GLRA2: variants seen among roughly 807,000 people sequenced by gnomAD.
GLRA2 encodes glycine receptor subunit alpha-2.
A neutral mutation model predicts 31.6 loss-of-function variants in GLRA2; 11 were observed. That is an observed-to-expected ratio of 0.35 (90% CI 0.22 to 0.58). GLRA2 has a LOEUF of 0.58. Among genes scored for constraint, GLRA2 ranks in the 20% least tolerant of loss-of-function variants. GLRA2 has a pLI of 0.84. For synonymous variants in GLRA2, 132 were observed against 134.0 expected, an observed-to-expected ratio of 0.99 and a Z score of 0.10; for missense variants, 212 against 351.8, an observed-to-expected ratio of 0.60 and a Z score of 3.18.
chrX:14,513,905 C>T, the GLRA2 span, among the ~76,000 whole-genome samples: 2 of 111,634 alleles, frequency 1.8e-5, no homozygotes, highest in Non-Finnish European at 1.9e-5. Context: ...TCCAGCAATC[C>T]CCTTACTGGG....
At chrX:14,559,161 G>C (rs2089690796) in intron 2 of GLRA2, among the ~76,000 whole-genome samples, 3 of 111,496 alleles carry the variant, frequency 2.7e-5, no homozygotes, top group Admixed American at 1.9e-4. Flanking sequence ...AACATGGCTT[G>C]TCCAAAGCAA....
At chrX:14,624,316 G>C (rs1383294474) in intron 7 of GLRA2, among the ~76,000 whole-genome samples, 2 of 110,749 alleles carry the variant, frequency 1.8e-5, no homozygotes, top group African/African-American at 6.6e-5. Flanking sequence ...GGATTCACTG[G>C]TTTTTTGAAG....
intron 7 of GLRA2, among the ~76,000 whole-genome samples, chrX:14,637,842 CATAA>C (rs746776391): frequency 3.0e-4 from 34 of 111,792 alleles, no homozygotes; most frequent in African/African-American, 8.5e-4. Context: ...CACATAATCA[CATAA>C]ATAAATGTCC....
At chrX:14,677,006 A>G (rs2091152383) in intron 7 of GLRA2, among the ~76,000 whole-genome samples, 1 of 111,744 alleles carries the variant, frequency 8.9e-6, no homozygotes, top group Non-Finnish European at 1.9e-5. Flanking sequence ...ATAAATGCTT[A>G]TCTAGCACCA....
chrX:14,709,681 T>C (rs569819281), intron 8 of GLRA2, among the ~76,000 whole-genome samples: 3 of 112,058 alleles, frequency 2.7e-5, no homozygotes, highest in Middle Eastern at 4.7e-3. Context: ...TAAGCCAGAA[T>C]AATGGAGCAT....
chrX:14,691,330 C>T (rs897536738), intron 8 of GLRA2, among the ~76,000 whole-genome samples: 1 of 63,788 alleles, frequency 1.6e-5, no homozygotes. Context: ...TGTGTGCGCG[C>T]GTGCGTGCGT....
intron 7 of GLRA2, among the ~76,000 whole-genome samples, chrX:14,617,132 G>T: frequency 9.0e-6 from 1 of 111,625 alleles, no homozygotes; most frequent in East Asian, 2.8e-4. Context: ...TCCTGGTGAG[G>T]CTCGTAAGCC....
intron 7 of GLRA2, among the ~76,000 whole-genome samples, chrX:14,618,870 A>C (rs1020152648): frequency 2.7e-5 from 3 of 111,695 alleles, no homozygotes; most frequent in African/African-American, 9.7e-5. Flanking sequence ...ACGACTGTAC[A>C]CATTTCATTA....
chrX:14,688,654 G>T lies in GLRA2; in HGVS notation c.931-2056G>T, dbSNP rs1017559560. The stretch of plus-strand genomic sequence containing the variant: ...CGCTTGCTAAGACCATTGCAAAAGT[G>T]CAGTATTAGGGTGGGAGTGACCCGA... On this transcript the variant is annotated intron_variant, in intron 7 of 8. Transcript: ENST00000218075. 4.5e-5 allele frequency among the ~76,000 whole-genome samples: 5 copies of T among 111,491 alleles called. No homozygotes were observed. The East Asian group carries it at 8.6e-4, about 19-fold the overall frequency.
chrX:14,523,827 C>T, the GLRA2 span, among the ~76,000 whole-genome samples: 1 of 111,535 alleles, frequency 9.0e-6, no homozygotes, highest in Non-Finnish European at 1.9e-5. Context: ...CAAGGATCAC[C>T]ATTCACAGGT....
chrX:14,723,992 C>T (rs1343443948), intron 8 of GLRA2, among the ~76,000 whole-genome samples: 2 of 112,006 alleles, frequency 1.8e-5, no homozygotes, highest in African/African-American at 6.5e-5. Flanking sequence ...ATCCCCGGCA[C>T]ATAGCACAGT....
chrX:14,628,916 A>C (rs2090616468), intron 7 of GLRA2, among the ~76,000 whole-genome samples: 1 of 111,477 alleles, frequency 9.0e-6, no homozygotes, highest in Non-Finnish European at 1.9e-5. Flanking sequence ...GTGTAGAGTA[A>C]GATTTGAGAG....
chrX:14,715,871 T>C (rs1481203277), intron 8 of GLRA2, among the ~76,000 whole-genome samples: 1 of 111,705 alleles, frequency 9.0e-6, no homozygotes, highest in East Asian at 2.8e-4. Context: ...ATGGAAGCAA[T>C]GGTCCAACGG....
the GLRA2 span, among the ~76,000 whole-genome samples, chrX:14,521,433 T>C: frequency 8.9e-6 from 1 of 111,783 alleles, no homozygotes; most frequent in Non-Finnish European, 1.9e-5. Context: ...AGGCTCTCCA[T>C]CCTTCGGACT....
chrX:14,582,668 C>A (rs1487552152), intron 4 of GLRA2, among the ~76,000 whole-genome samples: 4 of 111,840 alleles, frequency 3.6e-5, no homozygotes, highest in African/African-American at 9.8e-5. Context: ...TAATCTATGA[C>A]CCTCAGTTAC....
chrX:14,561,400 A>T (rs1204774216), intron 2 of GLRA2, among the ~76,000 whole-genome samples: 1 of 112,532 alleles, frequency 8.9e-6, no homozygotes, highest in Non-Finnish European at 1.9e-5. Flanking sequence ...AAGTTGGCTT[A>T]CAGACCGAAT....
At chrX:14,480,187 C>T in the GLRA2 span, among the ~76,000 whole-genome samples, 92 of 112,025 alleles carry the variant, frequency 8.2e-4, no homozygotes, top group Non-Finnish European at 1.6e-3. Context: ...CTGATCATAT[C>T]TTTGCCCATT....
chrX:14,554,120 G>A (rs916080138), intron 2 of GLRA2, among the ~76,000 whole-genome samples: 7 of 112,293 alleles, frequency 6.2e-5, no homozygotes, highest in Non-Finnish European at 9.4e-5. Context: ...GCTATGCTAC[G>A]TAAGTGCTGG....
chrX:14,487,633 A>G, the GLRA2 span, among the ~76,000 whole-genome samples: 1 of 111,667 alleles, frequency 9.0e-6, no homozygotes, highest in Non-Finnish European at 1.9e-5. Context: ...TTCAGCTTCT[A>G]TGCCAACAAG....
Sources: gnomAD v4.1 joint callset for allele counts (sites outside exome capture counted in the v4.1 genomes callset) on GRCh38, gnomAD v4.1.1 for gene constraint, MANE v1.5 for transcripts, NCBI Gene and HGNC (gene_info 2026-07-23, HGNC 2026-07-21) for gene names.